The following PAXIP1 variants were observed in gnomAD, a reference collection of about 807,000 sequenced individuals.
The protein encoded by PAXIP1 is PAX interacting protein 1.
A neutral mutation model predicts 140.6 loss-of-function variants in PAXIP1; 19 were observed. That is an observed-to-expected ratio of 0.14 (90% confidence interval 0.09 to 0.20). PAXIP1 has a LOEUF of 0.20. PAXIP1 is among the 10% of genes least tolerant of loss of function. The probability of loss-of-function intolerance (pLI) is 1.00; values close to 1 mark genes in which losing one functional copy is unlikely to be tolerated. For synonymous variants in PAXIP1, 442 were observed against 444.6 expected (o/e 0.99, Z 0.07); for missense variants, 920 against 1,208.6 (o/e 0.76, Z 3.54).
intron 5 of PAXIP1, among the ~76,000 whole-genome samples, chr7:154,977,142 C>T (rs1213169606): frequency 6.6e-6 from 1 of 152,010 alleles, no homozygotes; most frequent in Non-Finnish European, 1.5e-5. Flanking sequence ...GTAGTATGTT[C>T]GGCAAGCTAA....
chr7:154,957,213 A>T lies in PAXIP1; in HGVS notation c.2549+11T>A. On this transcript the variant is annotated intron_variant, in intron 14 of 20. Coordinates refer to ENST00000404141, the MANE Select transcript of PAXIP1 (RefSeq NM_007349.4). Reference sequence around the variant, plus strand: ...AGCCAGCAATGAAAAATTTAAGGTTATTACTCATACCTGGCTCTTTTGGAA... The same window carrying T: ...AGCCAGCAATGAAAAATTTAAGGTTTTTACTCATACCTGGCTCTTTTGGAA... 6.5e-7 allele frequency: 1 copy of T among 1,548,888 alleles called. No homozygotes were observed. Among genetic ancestry groups the T allele is most frequent in the Non-Finnish European group, 8.9e-7 (1 of 1,128,156 alleles).
At chr7:154,993,889 T>G (rs1810460246) in intron 2 of PAXIP1, 120 bp from the exon 3 acceptor site, 1 of 685,994 alleles carries the variant, frequency 1.5e-6, no homozygotes, top group Admixed American at 2.9e-5. Context: ...ACATCCAGAT[T>G]ACAAGTATGA....
intron 2 of PAXIP1, among the ~76,000 whole-genome samples, chr7:154,996,640 A>G (rs1052394390): frequency 3.3e-5 from 5 of 152,238 alleles, no homozygotes; most frequent in Non-Finnish European, 1.5e-5. Context: ...TAATTGCAGC[A>G]GCTACCGGCA....
chr7:154,944,691 G>C (rs1807847443), intron 20 of PAXIP1: 1 of 152,276 alleles, frequency 6.6e-6, no homozygotes, highest in Non-Finnish European at 1.5e-5. Flanking sequence ...TGTAGAACAG[G>C]CTTTCACAAA....
intron 6 of PAXIP1, among the ~76,000 whole-genome samples, chr7:154,970,871 A>G (rs993987764): frequency 1.3e-5 from 2 of 152,206 alleles, no homozygotes; most frequent in South Asian, 2.1e-4. Flanking sequence ...TTTTGTACAC[A>G]TATTACTTTT....
chr7:154,962,435 A>G lies in PAXIP1; in HGVS notation c.2013T>C (p.Cys671=). The change falls in exon 10 of 21, where the codon TGT becomes TGC. Residue 671 remains cysteine (C), a synonymous_variant. Transcript: ENST00000404141. ...YAQAIRERKR[C]VTAHWLNTVL... ...CTGTGTTTAACCAGTGTGCAGTAAC[A>G]CATCTCTTTCTTTCTCTTATTGCCT... 1 of 1,613,542 alleles carries G rather than the reference A, an allele frequency of 6.2e-7. No homozygotes were observed.
At position 154,998,755 on chromosome 7, in the gene PAXIP1, C is replaced by T. The variant is rs559822580; in HGVS notation, c.111G>A (p.Ala37=). 3.7e-5 allele frequency: 59 copies of T among 1,612,866 alleles called. No homozygotes were observed. Among genetic ancestry groups the T allele is most frequent in the African/African-American group, 2.0e-4 (15 of 75,006 alleles). Residue 37 remains alanine, a synonymous_variant, in exon 2 of 21, where the codon GCG becomes GCA. Coordinates refer to ENST00000404141, the MANE Select transcript of PAXIP1 (RefSeq NM_007349.4). ...QVIQLLKAGK[A]KEVSYNALAS... ...CTAGTGCATTGTAGGAAACTTCCTTCGCTTTTCCAGCCTTGAGAAGCTGAA... is the reference window on the plus strand; with the variant it reads ...CTAGTGCATTGTAGGAAACTTCCTTTGCTTTTCCAGCCTTGAGAAGCTGAA...
In PAXIP1 at chr7:154,983,247, G is replaced by A; in HGVS notation, c.410C>T (p.Thr137Met). 1 of 1,609,678 alleles carries A rather than the reference G, an allele frequency of 6.2e-7. No homozygotes were observed. The highest frequency in any genetic ancestry group is 8.5e-7 in the Non-Finnish European group (1 of 1,176,896). ...DCQLTLNKKC[T>M]HLIVPEPKGE... Reference sequence around the variant, plus strand: ...CTTTGGCTCTGGAACAATCAAATGCGTGCATTTCTTATTGAGGGTTAGCTG... The same window carrying A: ...CTTTGGCTCTGGAACAATCAAATGCATGCATTTCTTATTGAGGGTTAGCTG... Residue 137 changes from threonine (T) to methionine (M), a missense_variant, in exon 5 of 21, where the codon ACG becomes ATG. Transcript: ENST00000404141.
chr7:154,986,261 C>T lies in PAXIP1; in HGVS notation c.325-2929G>A. ...AAGCTGGGGTCCTGCCTGGCGTGTG[C>T]ATGTGAGTGTGTGTGCGCATGGGTG... is the stretch of plus-strand genomic sequence containing the variant. On this transcript the variant is annotated intron_variant, in intron 4 of 20. Coordinates refer to ENST00000404141, the MANE Select transcript of PAXIP1 (RefSeq NM_007349.4). This position sits in a 1 kb window ranked among gnomAD's most constrained non-coding sequence, Gnocchi z 4.8. 1 of 1,028,758 alleles carries T rather than the reference C, an allele frequency of 9.7e-7. No homozygotes were observed. The allele number at this position is 1,028,758 out of a possible 1,614,324, so 63.7% of individuals were successfully genotyped here. A position where few individuals can be genotyped will look rare whatever the true frequency, so the allele number is the denominator to read the frequency against.
intron 13 of PAXIP1, among the ~76,000 whole-genome samples, chr7:154,958,879 GA>G (rs1179128440): frequency 6.6e-6 from 1 of 152,198 alleles, no homozygotes; most frequent in Admixed American, 6.5e-5. Flanking sequence ...AGAACTGTGA[GA>G]ATATTTGCTT....
At position 154,983,213 on chromosome 7, in the gene PAXIP1, G is replaced by A. The variant is rs779897396; in HGVS notation, c.438+6C>T. 7 of 1,503,710 alleles carry A rather than the reference G, an allele frequency of 4.7e-6. No homozygotes were observed. The African/African-American group carries it at 5.6e-5, about 12-fold the overall frequency. 93.1% of individuals were successfully genotyped at this position (1,503,710 alleles called of 1,614,324 possible). Reference sequence around the variant, plus strand: ...ACAAAAAGAAGGTGGCACAAGAAACGCTTACCCCCTTTGGCTCTGGAACAA... The same window carrying A: ...ACAAAAAGAAGGTGGCACAAGAAACACTTACCCCCTTTGGCTCTGGAACAA... On this transcript the variant is annotated splice_donor_region_variant and intron_variant, in intron 5 of 20. Transcript: ENST00000404141.
chr7:154,982,680 G>C lies in PAXIP1; in HGVS notation c.438+539C>G, dbSNP rs571114548. 1.2e-4 allele frequency among the ~76,000 whole-genome samples: 19 copies of C among 152,254 alleles called. No homozygotes were observed. In the South Asian group the frequency reaches 3.7e-3, roughly 30 times the overall value. On this transcript the variant is annotated intron_variant, in intron 5 of 20. Transcript: ENST00000404141. ...GGCTGCATTTCTAACAAGTCCCCAAGGGGGGCAGATGCTGCTGATCCAGGG... is the reference window on the plus strand; with the variant it reads ...GGCTGCATTTCTAACAAGTCCCCAACGGGGGCAGATGCTGCTGATCCAGGG...
intron 6 of PAXIP1, 100 bp downstream of exon 6, chr7:154,975,596 T>C: frequency 1.4e-6 from 1 of 739,054 alleles, no homozygotes; most frequent in South Asian, 1.9e-5. Flanking sequence ...TGTAAGTTAT[T>C]TGGTCTGAAA....
chr7:154,994,192 T>C (rs546525454), intron 2 of PAXIP1, among the ~76,000 whole-genome samples: 1 of 152,278 alleles, frequency 6.6e-6, no homozygotes, highest in African/African-American at 2.4e-5. Flanking sequence ...TTTGTTTTAG[T>C]GAAGTCAAGC....
chr7:154,996,921 T>C (rs548936578), intron 2 of PAXIP1, among the ~76,000 whole-genome samples: 86 of 152,284 alleles, frequency 5.6e-4, no homozygotes, highest in African/African-American at 1.9e-3. Flanking sequence ...CCCAAGGATG[T>C]GTTAGAAAGA....
chr7:154,996,254 A>G (rs73493779), intron 2 of PAXIP1, among the ~76,000 whole-genome samples: 6,028 of 152,222 alleles, frequency 0.04, 401 homozygotes, highest in African/African-American at 0.13. Context: ...GCTCCGAAGT[A>G]CTCTACCACC....
chr7:155,002,898 T>C lies in PAXIP1; in HGVS notation c.32A>G (p.Glu11Gly). The change falls in exon 1 of 21, where the codon GAG becomes GGG. Residue 11 changes from glutamate to glycine, a missense_variant. Glu to Gly is a moderately conservative substitution (Grantham distance 98). Transcript: ENST00000404141. The stretch of plus-strand genomic sequence containing the variant: ...GTAATACTTGACCTCCCTGAACATC[T>C]CCTCAGGAACTTTGGGCGCCTGGTC... MSDQAPKVPE[E>G]MFREVKYYAV... 4 of 1,396,722 alleles carry C rather than the reference T, an allele frequency of 2.9e-6. No individual in the cohort carries two copies. The highest frequency in any genetic ancestry group is 3.8e-6 in the Non-Finnish European group (4 of 1,052,888). 86.5% of individuals were successfully genotyped at this position (1,396,722 alleles called of 1,614,324 possible). A position where few individuals can be genotyped will look rare whatever the true frequency, so the allele number is the denominator to read the frequency against.
rs1443621385 is a variant in PAXIP1 at position 154,975,889 on chromosome 7, G to T, written c.881C>A (p.Ala294Asp). 4 of 1,613,978 alleles carry T rather than the reference G, an allele frequency of 2.5e-6. No individual in the cohort carries two copies. ...GKEPGLINLC[A>D]NVPPVPGNIL... ...GTTACCTGGGACGGGTGGGACATTG[G>T]CACACAAGTTAATCAACCCAGGCTC... The change falls in exon 6 of 21, where the codon GCC becomes GAC. Residue 294 changes from alanine (A) to aspartate (D), a missense_variant. Ala to Asp is a moderately radical substitution (Grantham distance 126, BLOSUM62 -2). Coordinates refer to ENST00000404141, the MANE Select transcript of PAXIP1 (RefSeq NM_007349.4).
At chr7:154,976,480 A>ATC in intron 5 of PAXIP1, 149 bp from the exon 6 acceptor site, 3 of 1,151,098 alleles carry the variant, frequency 2.6e-6, no homozygotes, top group Non-Finnish European at 2.4e-6. Context: ...GCAACGTTTG[A>ATC]TCTTTTAGAC....
Sources: gnomAD v4.1 joint callset for allele counts (sites outside exome capture counted in the v4.1 genomes callset) on GRCh38, gnomAD v4.1.1 for gene constraint, Gnocchi (gnomAD v3.1) non-coding constraint, MANE v1.5 for transcripts, NCBI Gene and HGNC (gene_info 2026-07-23, HGNC 2026-07-21) for gene names.